Variants in BANP observed in about 807,000 individuals in gnomAD.
BANP encodes the protein protein BANP.
BANP carries 11 observed loss-of-function variants against 68.1 expected under a neutral mutation model. The ratio of observed to expected loss-of-function variants is 0.16; its 90% CI spans 0.10 to 0.27. The LOEUF (loss-of-function observed/expected upper bound fraction) is 0.27. Among genes scored for constraint, BANP ranks in the 10% least tolerant of loss-of-function variants. The pLI, the probability that BANP is intolerant of heterozygous loss-of-function variation, is 1.00. For synonymous variants in BANP, 329 were observed against 303.2 expected (o/e 1.09, Z -0.88); for missense variants, 504 against 722.7 (o/e 0.70, Z 3.47).
chr16:88,049,455 G>C (rs569476511), intron 11 of BANP, among the ~76,000 whole-genome samples: 7 of 152,244 alleles, frequency 4.6e-5, no homozygotes, highest in African/African-American at 1.7e-4. Flanking sequence ...CACTGAACCT[G>C]CCCTCTTGGG....
rs951738788 is a variant in BANP at position 88,004,167 on chromosome 16, G to A, written c.363-128G>A. 3 of 688,072 alleles carry A rather than the reference G, an allele frequency of 4.4e-6. No individual in the cohort carries two copies. The highest frequency in any genetic ancestry group is 1.8e-5 in the African/African-American group (1 of 56,754). 42.6% of individuals were successfully genotyped at this position (688,072 alleles called of 1,614,324 possible). A position where few individuals can be genotyped will look rare whatever the true frequency, so the allele number is the denominator to read the frequency against. ...TCCCTGGGAGTGGACTATGTTGAAT[G>A]ACTCTTAGGCCTCCCCCTCAGTGCG... On this transcript the variant is annotated intron_variant, in intron 4 of 13. Coordinates refer to ENST00000682872, the MANE Select transcript of BANP (RefSeq NM_001386991.1). This position sits in a 1 kb window ranked among gnomAD's most constrained non-coding sequence, Gnocchi z 7.0.
intron 7 of BANP, among the ~76,000 whole-genome samples, chr16:88,023,983 C>T (rs926540049): frequency 2.0e-5 from 3 of 152,194 alleles, no homozygotes; most frequent in Non-Finnish European, 2.9e-5. Flanking sequence ...TCCCAGGTGA[C>T]GCCACGCTGT....
chr16:88,056,520 C>G (rs564401762), intron 11 of BANP, among the ~76,000 whole-genome samples: 3 of 150,146 alleles, frequency 2.0e-5, no homozygotes, highest in East Asian at 3.9e-4. Context: ...TGTACACTTT[C>G]AGTGTTTTAC....
At chr16:88,060,169 C>T (rs1334701145) in intron 11 of BANP, among the ~76,000 whole-genome samples, 2 of 152,280 alleles carry the variant, frequency 1.3e-5, no homozygotes, top group African/African-American at 2.4e-5. Flanking sequence ...ATAGCAACCA[C>T]CTGTCGGCAC....
chr16:88,071,763 CT>C lies in BANP; in HGVS notation c.1378-301del. ...GCTCTGTGGCATTTGCTGTTGCTCTCTTTTTCTGTGGAAGCTCTGCCTTGCT... is the reference window on the plus strand; with the variant it reads ...GCTCTGTGGCATTTGCTGTTGCTCTCTTTTCTGTGGAAGCTCTGCCTTGCT... On this transcript the variant is annotated intron_variant, in intron 12 of 13. Transcript: ENST00000682872. This position sits in a 1 kb window ranked among gnomAD's most constrained non-coding sequence, Gnocchi z 6.5. 2 of 613,804 alleles carry C rather than the reference CT, an allele frequency of 3.3e-6. No homozygotes were observed. The highest frequency in any genetic ancestry group is 3.0e-6 in the Non-Finnish European group (1 of 328,974). The allele number at this position is 613,804 out of a possible 1,614,324, so 38.0% of individuals were successfully genotyped here. A position where few individuals can be genotyped will look rare whatever the true frequency, so the allele number is the denominator to read the frequency against.
At chr16:88,028,576 T>C (rs1486761076) in intron 8 of BANP, among the ~76,000 whole-genome samples, 1 of 152,202 alleles carries the variant, frequency 6.6e-6, no homozygotes, top group African/African-American at 2.4e-5. Flanking sequence ...CAGCGCTTTA[T>C]TGAGTGACCT....
chr16:87,989,212 G>A (rs552330145), intron 4 of BANP, among the ~76,000 whole-genome samples: 37 of 152,296 alleles, frequency 2.4e-4, no homozygotes, highest in African/African-American at 8.9e-4. Context: ...ATCGACTTGG[G>A]GACAAGAAAA....
chr16:88,065,526 T>C (rs1158430780), intron 12 of BANP, among the ~76,000 whole-genome samples, 194 bp downstream of exon 12: 1 of 152,176 alleles, frequency 6.6e-6, no homozygotes, highest in African/African-American at 2.4e-5. Flanking sequence ...GCCCAGGGAT[T>C]GGGACCTGGG....
At chr16:88,037,795 A>G (rs2079727983) in intron 10 of BANP, 178 bp from the exon 11 acceptor site, 1 of 630,104 alleles carries the variant, frequency 1.6e-6, no homozygotes, top group Non-Finnish European at 2.9e-6. Context: ...AATAGTACCT[A>G]GAAATGTCAA....
chr16:87,981,357 G>T (rs2063229691), intron 3 of BANP, among the ~76,000 whole-genome samples: 1 of 152,190 alleles, frequency 6.6e-6, no homozygotes. Flanking sequence ...CAGCTTGTGG[G>T]GCTCCTTCCA....
In BANP at chr16:88,036,470, C is replaced by A. The variant is rs549569671; in HGVS notation, c.1272+1076C>A. ...GGGCGCAGAGCCTCCTGCCCAAGTGCCCGTGAGCAAGACTGTGGACACATG... is the reference window on the plus strand; with the variant it reads ...GGGCGCAGAGCCTCCTGCCCAAGTGACCGTGAGCAAGACTGTGGACACATG... On this transcript the variant is annotated intron_variant, in intron 10 of 13. Coordinates refer to ENST00000682872, the MANE Select transcript of BANP (RefSeq NM_001386991.1). This position sits in a 1 kb window ranked among gnomAD's most constrained non-coding sequence, Gnocchi z 4.2. Among the ~76,000 whole-genome samples the A allele has an allele frequency of 6.6e-6, 1 of 152,232 alleles. No homozygotes were observed. The highest frequency in any genetic ancestry group is 1.9e-4 in the East Asian group (1 of 5,174).
chr16:88,030,222 A>G (rs565458150), intron 8 of BANP, among the ~76,000 whole-genome samples: 200 of 152,374 alleles, frequency 1.3e-3, no homozygotes, highest in African/African-American at 4.3e-3. Context: ...AGCAGGAAGC[A>G]GGAGATTGTG....
At chr16:87,988,937 A>G (rs753119171) in intron 4 of BANP, among the ~76,000 whole-genome samples, 23 of 152,152 alleles carry the variant, frequency 1.5e-4, no homozygotes, top group Non-Finnish European at 3.1e-4. Flanking sequence ...GTTCTTTCTC[A>G]TTAAAACTGA....
intron 1 of BANP, among the ~76,000 whole-genome samples, chr16:87,958,676 C>G (rs992535409): frequency 2.0e-5 from 3 of 152,222 alleles, no homozygotes; most frequent in African/African-American, 7.2e-5. Context: ...GCACTCCAGC[C>G]TGGGCGGCAG....
chr16:87,990,649 T>C (rs1246699057), intron 4 of BANP, among the ~76,000 whole-genome samples: 1 of 152,258 alleles, frequency 6.6e-6, no homozygotes, highest in Non-Finnish European at 1.5e-5. Context: ...TGGTTTTGTT[T>C]AATTCTTTTC....
chr16:88,020,123 A>T (rs6540154), intron 7 of BANP, among the ~76,000 whole-genome samples: 3 of 152,206 alleles, frequency 2.0e-5, no homozygotes, highest in Admixed American at 6.5e-5. Context: ...AAGCAGGTCA[A>T]GAGGATCAGA....
intron 4 of BANP, among the ~76,000 whole-genome samples, chr16:87,996,296 T>C (rs1385565330): frequency 6.6e-6 from 1 of 152,206 alleles, no homozygotes; most frequent in Non-Finnish European, 1.5e-5. Flanking sequence ...TGCCACTTAG[T>C]TGGAGATGGC....
Position 88,002,235 on chromosome 16 carries a change from G to C in BANP, c.363-2060G>C, listed in dbSNP as rs949354043. Reference sequence around the variant, plus strand: ...TATGTGGGAGAGGAAGGAGTCCTTGGCTTCTTTGAGTTGTGTGCCAGGGGT... The same window carrying C: ...TATGTGGGAGAGGAAGGAGTCCTTGCCTTCTTTGAGTTGTGTGCCAGGGGT... On this transcript the variant is annotated intron_variant, in intron 4 of 13. Transcript: ENST00000682872. This position sits in a 1 kb window ranked among gnomAD's most constrained non-coding sequence, Gnocchi z 4.6. 2.6e-5 allele frequency among the ~76,000 whole-genome samples: 4 copies of C among 152,044 alleles called. No homozygotes were observed. In the East Asian group the frequency reaches 7.7e-4, roughly 29 times the overall value.
intron 11 of BANP, among the ~76,000 whole-genome samples, chr16:88,059,122 CCTGCTGGTGTGCTGAGGTCCGTGCT>C (rs2085978757): frequency 6.6e-6 from 1 of 151,270 alleles, no homozygotes; most frequent in African/African-American, 2.4e-5. Context: ...GGTCCGTGCT[CCTGCTGGTGTGCTGAGGTCCGTGCT>C]CCTGCTGGTG....
Sources: allele counts gnomAD v4.1 joint callset (sites outside exome capture counted in the v4.1 genomes callset), GRCh38; gene constraint gnomAD v4.1.1; non-coding constraint Gnocchi (gnomAD v3.1); transcripts MANE v1.5; gene names NCBI Gene and HGNC (gene_info 2026-07-23, HGNC 2026-07-21).